VANGL1: variants seen among roughly 807,000 people sequenced by gnomAD.
VANGL1 encodes the protein vang-like protein 1.
In VANGL1, 18 loss-of-function variants were observed where a neutral mutation model predicts 48.4. The observed-to-expected ratio is 0.37, with a 90% CI of 0.26 to 0.55. The LOEUF is 0.55. Among genes scored for constraint, VANGL1 ranks in the 20% least tolerant of loss-of-function variants. VANGL1 has a pLI of 0.81. For missense variants in VANGL1, 667 were observed against 675.8 expected, an observed-to-expected ratio of 0.99 and a Z score of 0.14; for synonymous variants, 257 against 261.8, an observed-to-expected ratio of 0.98 and a Z score of 0.18.
intron 4 of VANGL1, among the ~76,000 whole-genome samples, chr1:115,680,285 C>T (rs1325872382): frequency 6.6e-6 from 1 of 152,122 alleles, no homozygotes; most frequent in African/African-American, 2.4e-5. Context: ...CCCAGGCAGC[C>T]AGAAGCTCTT....
chr1:115,675,709 C>T (rs1017978272), intron 4 of VANGL1, among the ~76,000 whole-genome samples: 12 of 152,000 alleles, frequency 7.9e-5, no homozygotes, highest in Admixed American at 1.3e-4. Context: ...GAGAATTGCT[C>T]GGACCTGGGA....
chr1:115,644,414 C>T (rs968940703), intron 1 of VANGL1, among the ~76,000 whole-genome samples: 5 of 152,302 alleles, frequency 3.3e-5, no homozygotes, highest in Admixed American at 6.5e-5. Context: ...GTTAGGGTCT[C>T]GCTGTATAGG....
chr1:115,681,800 C>T (rs1194214684), intron 4 of VANGL1, among the ~76,000 whole-genome samples: 5 of 152,168 alleles, frequency 3.3e-5, no homozygotes, highest in East Asian at 1.9e-4. Flanking sequence ...AGCCACCGCG[C>T]GTGGCCAAGG....
In VANGL1 at chr1:115,645,840, G is replaced by A. The variant is rs149821000; in HGVS notation, c.-138+3754G>A. Among the ~76,000 whole-genome samples, 825 of 152,198 alleles carry A rather than the reference G, an allele frequency of 5.4e-3. 12 individuals carry two copies. Among genetic ancestry groups the A allele is most frequent in the African/African-American group, 0.018 (763 of 41,518 alleles). On this transcript the variant is annotated intron_variant, in intron 1 of 7. Transcript: ENST00000355485. ...TTGTACCAGACACCACTTTTCCTTG[G>A]AAATAGATCTACTTACTGCATAGGA...
In VANGL1 at chr1:115,687,701, TTCTCTGTGTGTGTGTGTG is replaced by T. The variant is rs1050158686; in HGVS notation, c.1314+2176_1314+2193del. On this transcript the variant is annotated intron_variant, in intron 7 of 7. Coordinates refer to ENST00000355485, the MANE Select transcript of VANGL1 (RefSeq NM_138959.3). ...CAGAAATTGGGTCATTGCTCTCTCT[TTCTCTGTGTGTGTGTGTG>T]TGTGTGTGTGTGTGTGTGTGTGTGT... Among the ~76,000 whole-genome samples the T allele has an allele frequency of 5.2e-5, 4 of 77,002 alleles. 1 individual carries two copies. Among genetic ancestry groups the T allele is most frequent in the African/African-American group, 2.2e-4 (4 of 18,594 alleles). The allele number at this position is 77,002 out of a possible 152,430, so 50.5% of individuals were successfully genotyped here. A position where few individuals can be genotyped will look rare whatever the true frequency, so the allele number is the denominator to read the frequency against.
chr1:115,686,172 A>G (rs959089008), intron 7 of VANGL1, among the ~76,000 whole-genome samples: 3 of 152,194 alleles, frequency 2.0e-5, no homozygotes, highest in Admixed American at 6.5e-5. Flanking sequence ...TTGATACAAC[A>G]GCAAACAAGT....
chr1:115,671,587 C>G (rs1164334749), intron 4 of VANGL1, among the ~76,000 whole-genome samples: 1 of 152,184 alleles, frequency 6.6e-6, no homozygotes, highest in African/African-American at 2.4e-5. Context: ...AGGCTGCTGT[C>G]TTTGATCCCC....
At position 115,685,623 on chromosome 1, in the gene VANGL1, G is replaced by A. The variant is rs542483425; in HGVS notation, c.1314+96G>A. ...GCGTGTTACTAGAAGTGATAAAATC[G>A]AAAGGCATCTCTAAAACTCAAGTAA... is the stretch of plus-strand genomic sequence containing the variant. On this transcript the variant is annotated intron_variant, in intron 7 of 7. Transcript: ENST00000355485. 35 of 1,233,072 alleles carry A rather than the reference G, an allele frequency of 2.8e-5. No homozygotes were observed. In the Admixed American group the frequency reaches 4.7e-4, roughly 17 times the overall value. 76.4% of individuals were successfully genotyped at this position (1,233,072 alleles called of 1,614,324 possible).
At chr1:115,690,926 A>G (rs931015202) in intron 7 of VANGL1, among the ~76,000 whole-genome samples, 193 bp from the exon 8 acceptor site, 4 of 152,214 alleles carry the variant, frequency 2.6e-5, no homozygotes, top group Admixed American at 1.3e-4. Flanking sequence ...AGGAAGTCCA[A>G]GAAGTCTTCC....
Position 115,684,028 on chromosome 1 carries a change from A to G in VANGL1, c.1031A>G (p.Tyr344Cys), listed in dbSNP as rs750736791. 2.5e-6 allele frequency: 4 copies of G among 1,614,192 alleles called. No homozygotes were observed. The highest frequency in any genetic ancestry group is 1.7e-4 in the Middle Eastern group (1 of 6,060). Reference sequence around the variant, plus strand: ...AGGGACTCAAGCCACAACGAGTTGTATTATGAAGAGGCCGAACATGAACGG... The same window carrying G: ...AGGGACTCAAGCCACAACGAGTTGTGTTATGAAGAGGCCGAACATGAACGG... ...RRRDSSHNEL[Y>C]YEEAEHERRV... is the part of the protein sequence containing the mutation. The change falls in exon 6 of 8, where the codon TAT becomes TGT. Residue 344 changes from tyrosine (Y) to cysteine (C), a missense_variant. By Grantham distance (194) the Tyr-to-Cys change is radical. Coordinates refer to ENST00000355485, the MANE Select transcript of VANGL1 (RefSeq NM_138959.3).
At chr1:115,656,322 AAAG>A (rs1652354787) in intron 2 of VANGL1, among the ~76,000 whole-genome samples, 1 of 152,208 alleles carries the variant, frequency 6.6e-6, no homozygotes, top group Admixed American at 6.5e-5. Context: ...GGCATTTCAC[AAAG>A]AAGCAAACTT....
At chr1:115,676,516 T>C (rs1396680983) in intron 4 of VANGL1, among the ~76,000 whole-genome samples, 2 of 152,166 alleles carry the variant, frequency 1.3e-5, no homozygotes, top group East Asian at 1.9e-4. Flanking sequence ...TTATGAATTA[T>C]TTACTTTGAA....
At chr1:115,682,233 C>T in intron 4 of VANGL1, 131 bp from the exon 5 acceptor site, 1 of 1,287,128 alleles carries the variant, frequency 7.8e-7, no homozygotes, top group Non-Finnish European at 1.1e-6. Context: ...TGTGGTGGAA[C>T]CCAGTGGACT....
At position 115,681,713 on chromosome 1, in the gene VANGL1, G is replaced by A. The variant is rs186501212; in HGVS notation, c.813-651G>A. ...GTAGAGACGGGGTTTCATCATATTGGTTAGGCTGGTCTCAAACTCCTGACC... is the reference window on the plus strand; with the variant it reads ...GTAGAGACGGGGTTTCATCATATTGATTAGGCTGGTCTCAAACTCCTGACC... On this transcript the variant is annotated intron_variant, in intron 4 of 7. Transcript: ENST00000355485. Among the ~76,000 whole-genome samples the A allele has an allele frequency of 3.9e-3, 589 of 152,104 alleles. 4 individuals are homozygous for A. The highest frequency in any genetic ancestry group is 0.014 in the African/African-American group (568 of 41,458).
rs768501546 is a variant in VANGL1, at chr1:115,679,984, AGTGTGTGT to A, written c.813-2349_813-2342del. Among the ~76,000 whole-genome samples the A allele has an allele frequency of 1.9e-3, 258 of 137,382 alleles. 2 individuals carry two copies. Among genetic ancestry groups the A allele is most frequent in the East Asian group, 0.012 (54 of 4,472 alleles). 90.1% of individuals were successfully genotyped at this position (137,382 alleles called of 152,430 possible). On this transcript the variant is annotated intron_variant, in intron 4 of 7. Coordinates refer to ENST00000355485, the MANE Select transcript of VANGL1 (RefSeq NM_138959.3). ...GAGCTGAGCTAGGCACACACCAGGG[AGTGTGTGT>A]GTGTGTGTGTGTGTGTGTGTGTGTG...
chr1:115,690,748 G>A (rs548974125), intron 7 of VANGL1, among the ~76,000 whole-genome samples: 29 of 152,346 alleles, frequency 1.9e-4, no homozygotes, highest in East Asian at 1.9e-4. Context: ...TTTTGGTTCA[G>A]GAGGAGGAAG....
At chr1:115,660,665 A>G (rs947350666) in intron 3 of VANGL1, among the ~76,000 whole-genome samples, 5 of 152,156 alleles carry the variant, frequency 3.3e-5, no homozygotes, top group Non-Finnish European at 7.4e-5. Flanking sequence ...CTCATAAACA[A>G]AGTGGTGTAT....
At chr1:115,668,179 A>T (rs1557769169) in intron 4 of VANGL1, among the ~76,000 whole-genome samples, 2 of 152,206 alleles carry the variant, frequency 1.3e-5, no homozygotes, top group African/African-American at 4.8e-5. Flanking sequence ...TTCCAGAATG[A>T]TCTTACCCAT....
rs957450619 is a variant in VANGL1, at chr1:115,659,834, T to C, written c.204+61T>C. 3 of 1,610,084 alleles carry C rather than the reference T, an allele frequency of 1.9e-6. No homozygotes were observed. In the African/African-American group the frequency reaches 4.0e-5, roughly 22 times the overall value. ...CTTGGCCAAGACTCCTGTCTGTAAA[T>C]GTTTTCCTTAGGTTCTCTTGGATTT... On this transcript the variant is annotated intron_variant, in intron 3 of 7. Transcript: ENST00000355485.
Sources: allele counts gnomAD v4.1 joint callset (sites outside exome capture counted in the v4.1 genomes callset), GRCh38; gene constraint gnomAD v4.1.1; transcripts MANE v1.5; gene names NCBI Gene and HGNC (gene_info 2026-07-23, HGNC 2026-07-21).